The following ADGRL3 variants were observed in gnomAD, a reference collection of about 807,000 sequenced individuals.
The protein encoded by ADGRL3 is adhesion G protein-coupled receptor L3.
ADGRL3 carries 62 observed loss-of-function variants against 153.5 expected under a neutral mutation model. That is an observed-to-expected ratio of 0.40 (90% CI 0.33 to 0.50). The LOEUF (loss-of-function observed/expected upper bound fraction) is 0.50. Ranked by LOEUF, ADGRL3 falls within the 20% of genes least tolerant of loss-of-function variation. The probability of loss-of-function intolerance (pLI) is 0.47; values close to 1 mark genes in which losing one functional copy is unlikely to be tolerated. For missense variants in ADGRL3, 1,641 were observed against 1,859.4 expected, an observed-to-expected ratio of 0.88 and a Z score of 2.16; for synonymous variants, 710 against 672.5, an observed-to-expected ratio of 1.06 and a Z score of -0.86.
chr4:61,538,352 G>A (rs542715009), intron 4 of ADGRL3, among the ~76,000 whole-genome samples: 3 of 152,202 alleles, frequency 2.0e-5, no homozygotes, highest in Non-Finnish European at 2.9e-5. Context: ...CATCTTCTGC[G>A]GGTCTGAGAG....
chr4:61,901,327 G>A (rs2098663307), intron 11 of ADGRL3, among the ~76,000 whole-genome samples: 1 of 152,082 alleles, frequency 6.6e-6, no homozygotes, highest in Admixed American at 6.5e-5. Flanking sequence ...TAGAAATAAT[G>A]TTGCCATTTT....
chr4:61,911,296 T>A (rs758288349), intron 12 of ADGRL3, among the ~76,000 whole-genome samples: 1 of 152,216 alleles, frequency 6.6e-6, no homozygotes, highest in Non-Finnish European at 1.5e-5. Context: ...TGTCACATTC[T>A]AACTGGCTAC....
chr4:61,382,246 A>C (rs2096678202), intron 1 of ADGRL3, among the ~76,000 whole-genome samples: 1 of 151,404 alleles, frequency 6.6e-6, no homozygotes, highest in Admixed American at 6.6e-5. Context: ...AGCATAAATA[A>C]ATACTAAATA....
At chr4:61,528,050 A>G (rs2098582912) in intron 4 of ADGRL3, among the ~76,000 whole-genome samples, 1 of 152,074 alleles carries the variant, frequency 6.6e-6, no homozygotes, top group South Asian at 2.1e-4. Context: ...AGTGATTAAG[A>G]AGATAGATGC....
chr4:61,374,306 T>C (rs1315043240), intron 1 of ADGRL3, among the ~76,000 whole-genome samples: 1 of 152,206 alleles, frequency 6.6e-6, no homozygotes, highest in Non-Finnish European at 1.5e-5. Flanking sequence ...AATACTCTGC[T>C]TTTGCTTCTT....
intron 1 of ADGRL3, among the ~76,000 whole-genome samples, chr4:61,270,041 A>G (rs1027458478): frequency 6.6e-6 from 1 of 151,744 alleles, no homozygotes; most frequent in African/African-American, 2.4e-5. Context: ...GTTACTATAT[A>G]TAAAAAACAA....
At chr4:61,234,779 T>C (rs573890869) in intron 1 of ADGRL3, among the ~76,000 whole-genome samples, 23 of 152,182 alleles carry the variant, frequency 1.5e-4, no homozygotes, top group Non-Finnish European at 3.1e-4. Context: ...TGCAGTAGGA[T>C]GATGACCGAA....
intron 19 of ADGRL3, among the ~76,000 whole-genome samples, chr4:61,984,081 G>A (rs1309613845): frequency 2.6e-5 from 4 of 152,120 alleles, no homozygotes; most frequent in Non-Finnish European, 5.9e-5. Flanking sequence ...AGGCATTGAG[G>A]TAGAGTGATG....
chr4:61,596,580 C>T (rs1428285496), intron 5 of ADGRL3, among the ~76,000 whole-genome samples: 1 of 152,178 alleles, frequency 6.6e-6, no homozygotes, highest in Non-Finnish European at 1.5e-5. Context: ...GTCTACCAAT[C>T]ATAAGCTTTA....
intron 5 of ADGRL3, among the ~76,000 whole-genome samples, chr4:61,620,634 C>CTTTTTTTTTTTT (rs71664993): frequency 2.9e-5 from 2 of 69,704 alleles, no homozygotes; most frequent in Non-Finnish European, 2.5e-5. Context: ...TAAATTGTGA[C>CTTTTTTTTTTTT]TTTTTTTTTT....
chr4:61,744,544 G>A lies in ADGRL3; in HGVS notation c.1399+10990G>A, dbSNP rs181078590. Among the ~76,000 whole-genome samples, 1,137 of 152,252 alleles carry A rather than the reference G, an allele frequency of 7.5e-3. 11 individuals carry two copies. The highest frequency in any genetic ancestry group is 0.025 in the African/African-American group (1,026 of 41,536). ...TCCAGAGGAGCTATCAGGCAGCAGC[G>A]TTTGTGCTTCACAAAAATCCGCTGT... On this transcript the variant is annotated intron_variant, in intron 8 of 26. Transcript: ENST00000683033.
rs1422895947 is a variant in ADGRL3 at position 61,934,884 on chromosome 4, G to A, written c.2157G>A (p.Leu719=). ...TVNNLLQPQA[L]NAWRDLTTSD... ...ACAACCTCCTTCAGCCACAAGCTTT[G>A]AATGCATGGAGAGACCTGACTACGA... Residue 719 remains leucine, a synonymous_variant, in exon 14 of 27, where the codon TTG becomes TTA. Transcript: ENST00000683033. 6.2e-7 allele frequency: 1 copy of A among 1,613,660 alleles called. No individual in the cohort carries two copies. Among genetic ancestry groups the A allele is most frequent in the East Asian group, 2.2e-5 (1 of 44,882 alleles).
intron 1 of ADGRL3, among the ~76,000 whole-genome samples, chr4:61,335,152 G>A (rs571672431): frequency 6.6e-6 from 1 of 152,132 alleles, no homozygotes; most frequent in South Asian, 2.1e-4. Flanking sequence ...TTAATAGCTA[G>A]TTTTCTGTTT....
chr4:61,708,644 A>T (rs1252002949), intron 6 of ADGRL3, among the ~76,000 whole-genome samples: 2 of 152,034 alleles, frequency 1.3e-5, no homozygotes, highest in Admixed American at 6.6e-5. Context: ...CACAGATCAG[A>T]TGGATGATTT....
At chr4:61,844,152 G>A (rs1013805492) in intron 9 of ADGRL3, among the ~76,000 whole-genome samples, 5 of 151,526 alleles carry the variant, frequency 3.3e-5, no homozygotes, top group African/African-American at 1.2e-4. Context: ...CTTCCTATTT[G>A]TTTTTTTCTT....
intron 8 of ADGRL3, among the ~76,000 whole-genome samples, chr4:61,803,909 G>C (rs2097527254): frequency 6.6e-6 from 1 of 152,076 alleles, no homozygotes; most frequent in Non-Finnish European, 1.5e-5. Context: ...TTCTTTGAGT[G>C]TAAAACTAAA....
At chr4:61,771,555 A>G (rs2097086631) in intron 8 of ADGRL3, among the ~76,000 whole-genome samples, 1 of 152,196 alleles carries the variant, frequency 6.6e-6, no homozygotes, top group African/African-American at 2.4e-5. Flanking sequence ...CCTAATTACA[A>G]AGACCCAGAA....
intron 2 of ADGRL3, among the ~76,000 whole-genome samples, chr4:61,451,283 C>A (rs898635932): frequency 3.3e-5 from 5 of 151,974 alleles, no homozygotes; most frequent in Admixed American, 6.6e-5. Flanking sequence ...CTCATTTATA[C>A]CACATAACTG....
intron 2 of ADGRL3, among the ~76,000 whole-genome samples, chr4:61,444,103 T>C (rs1242893415): frequency 6.6e-6 from 1 of 152,186 alleles, no homozygotes; most frequent in Non-Finnish European, 1.5e-5. Context: ...AATATGCAAA[T>C]CCATTCTATG....
Sources: gnomAD v4.1 joint callset for allele counts (sites outside exome capture counted in the v4.1 genomes callset) on GRCh38, gnomAD v4.1.1 for gene constraint, MANE v1.5 for transcripts, NCBI Gene and HGNC (gene_info 2026-07-23, HGNC 2026-07-21) for gene names.